The following COL6A6 variants were observed in gnomAD, a reference collection of about 807,000 sequenced individuals.
COL6A6 encodes collagen type VI alpha 6 chain, also known as collagen alpha-6(VI) chain.
COL6A6 carries 183 observed loss-of-function variants against 208.6 expected under a neutral mutation model. The ratio of observed to expected loss-of-function variants is 0.88; its 90% CI spans 0.78 to 0.99. COL6A6 has a LOEUF of 0.99. COL6A6 is among the 50% of genes least tolerant of loss of function. COL6A6 has a pLI of 0.00. For synonymous variants in COL6A6, 973 were observed against 1,011.8 expected, an observed-to-expected ratio of 0.96 and a Z score of 0.73; for missense variants, 2,816 against 2,815.2, an observed-to-expected ratio of 1.00 and a Z score of -0.01.
At chr3:130,603,735 G>A (rs1466426084) in intron 20 of COL6A6, among the ~76,000 whole-genome samples, 1 of 152,082 alleles carries the variant, frequency 6.6e-6, no homozygotes, top group Admixed American at 6.6e-5. Context: ...AAGTGGTGTC[G>A]GACAATTGTT....
chr3:130,608,733 A>C (rs372917550), intron 21 of COL6A6, among the ~76,000 whole-genome samples, 169 bp from the exon 22 acceptor site: 5 of 21,500 alleles, frequency 2.3e-4, no homozygotes, highest in African/African-American at 1.0e-3. Flanking sequence ...ATAGATTTTT[A>C]TTTTCTTTGT....
chr3:130,547,960 A>G (rs1695141743), intron 1 of COL6A6, among the ~76,000 whole-genome samples: 1 of 152,046 alleles, frequency 6.6e-6, no homozygotes, highest in South Asian at 2.1e-4. Context: ...ATCATGTCTG[A>G]CTAAATTTTG....
chr3:130,600,165 G>A (rs527502734), intron 20 of COL6A6, among the ~76,000 whole-genome samples: 4 of 152,288 alleles, frequency 2.6e-5, no homozygotes, highest in Admixed American at 6.5e-5. Context: ...TTGCCAAATT[G>A]TATGACTATT....
At chr3:130,569,657 G>C (rs933366138) in intron 6 of COL6A6, among the ~76,000 whole-genome samples, 1 of 152,168 alleles carries the variant, frequency 6.6e-6, no homozygotes, top group Non-Finnish European at 1.5e-5. Flanking sequence ...ACTTCGCCCA[G>C]AACAAATATG....
At chr3:130,609,654 TC>T (rs1289980318) in intron 22 of COL6A6, among the ~76,000 whole-genome samples, 1 of 152,200 alleles carries the variant, frequency 6.6e-6, no homozygotes, top group Non-Finnish European at 1.5e-5. Context: ...CTTTTTTTTT[TC>T]CTCTCCAAAG....
chr3:130,580,675 C>T (rs1354793115), intron 8 of COL6A6, among the ~76,000 whole-genome samples: 3 of 152,146 alleles, frequency 2.0e-5, no homozygotes, highest in East Asian at 1.9e-4. Flanking sequence ...GTTAAAAATT[C>T]GTGAAAGGAG....
intron 20 of COL6A6, among the ~76,000 whole-genome samples, chr3:130,604,457 T>C (rs1048826215): frequency 2.0e-5 from 3 of 147,198 alleles, no homozygotes; most frequent in African/African-American, 7.6e-5. Context: ...ATCGCGCCAC[T>C]GCACTCCAGT....
chr3:130,594,468 A>G, intron 18 of COL6A6, 125 bp downstream of exon 18: 1 of 710,368 alleles, frequency 1.4e-6, no homozygotes, highest in East Asian at 2.6e-5. Context: ...CATGATTGTA[A>G]CATTTTAAAT....
chr3:130,559,924 C>G (rs1469502594), intron 1 of COL6A6, among the ~76,000 whole-genome samples: 2 of 152,092 alleles, frequency 1.3e-5, no homozygotes, highest in East Asian at 3.8e-4. Context: ...TAAAGTACAC[C>G]TACATATTCA....
chr3:130,609,078 G>C, intron 22 of COL6A6, 114 bp downstream of exon 22: 2 of 750,374 alleles, frequency 2.7e-6, no homozygotes, highest in Non-Finnish European at 4.5e-6. Flanking sequence ...CATGTTTAAA[G>C]TTCTCATGGT....
chr3:130,568,195 C>A lies in COL6A6; in HGVS notation c.1992C>A (p.Val664=), dbSNP rs1406733694. ...IGPDRVQIGV[V]QFSDINKEEF... ...CAGATCGGGTGCAAATTGGTGTAGT[C>A]CAGTTCAGCGACATCAATAAGGAAG... Residue 664 remains valine (V), a synonymous_variant, in exon 6 of 37, where the codon GTC becomes GTA. Transcript: ENST00000358511. 2 of 1,613,968 alleles carry A rather than the reference C, an allele frequency of 1.2e-6. No homozygotes were observed. Among genetic ancestry groups the A allele is most frequent in the Admixed American group, 1.7e-5 (1 of 60,022 alleles).
At position 130,650,695 on chromosome 3, in the gene COL6A6, G is replaced by A. The variant is rs1475237571; in HGVS notation, c.5733+1133G>A. Among the ~76,000 whole-genome samples, 3 of 152,120 alleles carry A rather than the reference G, an allele frequency of 2.0e-5. No individual in the cohort carries two copies. The South Asian group carries it at 6.2e-4, about 32-fold the overall frequency. The stretch of plus-strand genomic sequence containing the variant: ...GACAAGAAACAATCATTGTCTTCAA[G>A]CGTATGAAAAAGTATTACTGGAGAA... On this transcript the variant is annotated intron_variant, in intron 33 of 36. Transcript: ENST00000358511.
In COL6A6 at chr3:130,634,436, A is replaced by G. The variant is rs78653889; in HGVS notation, c.4993-154A>G. Among the ~76,000 whole-genome samples the G allele has an allele frequency of 0.019, 2,839 of 152,268 alleles. 60 individuals are homozygous for G. The highest frequency in any genetic ancestry group is 0.027 in the Non-Finnish European group (1,869 of 67,986). On this transcript the variant is annotated intron_variant, in intron 26 of 36. Transcript: ENST00000358511. ...AACTTATAATTTAGTTTGTTTCTCA[A>G]ATACTGCTATTTCACTTCCAGATTT...
rs1466754482 is a variant in COL6A6 at position 130,598,365 on chromosome 3, G to C, written c.4534G>C (p.Gly1512Arg). The C allele has an allele frequency of 6.5e-7, 1 of 1,538,444 alleles. No individual in the cohort carries two copies. The highest frequency in any genetic ancestry group is 1.4e-5 in the African/African-American group (1 of 72,590). ...RGAKGLRGDP[G>R]APGVDSSIEG... The stretch of plus-strand genomic sequence containing the variant: ...TTTTCTCTTTATTTTCTATTTTTAG[G>C]GAGCTCCTGGAGTTGACAGTAGCAT... The change falls in exon 19 of 37, where the codon GGA (glycine) becomes CGA (arginine). Residue 1512 changes from glycine (G) to arginine (R), a missense_variant and splice_region_variant. Physicochemically the swap from Gly to Arg is moderately radical, Grantham distance 125 (BLOSUM62 -2). Transcript: ENST00000358511.
chr3:130,569,509 T>A lies in COL6A6; in HGVS notation c.2401+905T>A, dbSNP rs76289028. On this transcript the variant is annotated intron_variant, in intron 6 of 36. Transcript: ENST00000358511. ...ATTCTGAAAATGAAGGACATAGATCTGCATGGAGTTTAAAGGGAAGAGAGG... is the reference window on the plus strand; with the variant it reads ...ATTCTGAAAATGAAGGACATAGATCAGCATGGAGTTTAAAGGGAAGAGAGG... 6.7e-3 allele frequency among the ~76,000 whole-genome samples: 1,022 copies of A among 152,316 alleles called. 6 individuals carry two copies. Among genetic ancestry groups the A allele is most frequent in the African/African-American group, 0.022 (922 of 41,562 alleles).
chr3:130,623,861 G>GA (rs1183116726), intron 24 of COL6A6, among the ~76,000 whole-genome samples: 3 of 151,930 alleles, frequency 2.0e-5, no homozygotes, highest in Non-Finnish European at 4.4e-5. Flanking sequence ...AGGAAGGAAG[G>GA]AAAATCAACA....
intron 36 of COL6A6, among the ~76,000 whole-genome samples, chr3:130,674,510 C>T (rs977963157): frequency 1.3e-5 from 2 of 152,224 alleles, no homozygotes; most frequent in African/African-American, 4.8e-5. Context: ...CCAGACTGGG[C>T]TCTATTTCTA....
Position 130,589,182 on chromosome 3 carries a change from G to A in COL6A6, c.4218G>A (p.Arg1406=), listed in dbSNP as rs2063614154. 1.9e-6 allele frequency: 3 copies of A among 1,610,508 alleles called. No individual in the cohort carries two copies. The highest frequency in any genetic ancestry group is 2.2e-5 in the South Asian group (2 of 90,944). Reference sequence around the variant, plus strand: ...GAGATCCTGGACCACCAGGGAAAAGGGTGATTTTAGCTCAGATTTATGGGT... The same window carrying A: ...GAGATCCTGGACCACCAGGGAAAAGAGTGATTTTAGCTCAGATTTATGGGT... The part of the protein sequence containing the change: ...TMGDPGPPGK[R]GPPGFKGSEG... Residue 1406 remains arginine, a splice_region_variant and synonymous_variant, in exon 12 of 37, where the codon AGG becomes AGA. Coordinates refer to ENST00000358511, the MANE Select transcript of COL6A6 (RefSeq NM_001102608.3).
chr3:130,608,177 A>G (rs745984036), intron 21 of COL6A6, among the ~76,000 whole-genome samples: 2 of 152,240 alleles, frequency 1.3e-5, no homozygotes, highest in Non-Finnish European at 2.9e-5. Context: ...GAAGAAATGC[A>G]TGCATTCAGA....
Sources: gnomAD v4.1 joint callset for allele counts (sites outside exome capture counted in the v4.1 genomes callset) on GRCh38, gnomAD v4.1.1 for gene constraint, MANE v1.5 for transcripts, NCBI Gene and HGNC (gene_info 2026-07-23, HGNC 2026-07-21) for gene names.